PCDHGB2: variants seen among roughly 807,000 people sequenced by gnomAD.
PCDHGB2 encodes protocadherin gamma subfamily B, 2.
Under a neutral mutation model 59.3 loss-of-function variants are expected in PCDHGB2, and 55 were observed. The ratio of observed to expected loss-of-function variants is 0.93; its 90% CI spans 0.75 to 1.16. PCDHGB2 has a LOEUF of 1.16. PCDHGB2 is among the 50% of genes most tolerant of loss of function. The pLI, the probability that PCDHGB2 is intolerant of heterozygous loss-of-function variation, is 0.00. For synonymous variants in PCDHGB2, 516 were observed against 512.0 expected (o/e 1.01, Z -0.11); for missense variants, 1,228 against 1,198.5 (o/e 1.02, Z -0.36).
At chr5:141,427,897 C>T (rs866283444) in intron 1 of PCDHGB2, 1 of 1,571,008 alleles carries the variant, frequency 6.4e-7, no homozygotes. Context: ...CAGGGCTCGC[C>T]CGCGCTCAGC....
chr5:141,481,053 A>T (rs2099530801), intron 1 of PCDHGB2, among the ~76,000 whole-genome samples: 1 of 152,104 alleles, frequency 6.6e-6, no homozygotes, highest in Non-Finnish European at 1.5e-5. Flanking sequence ...GCGAGACTCC[A>T]CCTCAAAAAC....
chr5:141,362,748 A>C lies in PCDHGB2; in HGVS notation c.2421+192A>C, dbSNP rs146059189. 1,393 of 693,104 alleles carry C rather than the reference A, an allele frequency of 2.0e-3. 24 individuals carry two copies. In the East Asian group the frequency reaches 0.035, roughly 17 times the overall value. The allele number at this position is 693,104 out of a possible 1,614,324, so 42.9% of individuals were successfully genotyped here. A position where few individuals can be genotyped will look rare whatever the true frequency, so the allele number is the denominator to read the frequency against. On this transcript the variant is annotated intron_variant, in intron 1 of 3. Coordinates refer to ENST00000522605, the MANE Select transcript of PCDHGB2 (RefSeq NM_018923.3). ...GTGAGATTTATTTACCCATGATTGC[A>C]AACCTTTATCACATGAGATATTGCA...
At chr5:141,393,876 C>A in intron 1 of PCDHGB2, 1 of 1,613,862 alleles carries the variant, frequency 6.2e-7, no homozygotes, top group Non-Finnish European at 8.5e-7. Context: ...TTTGTTTAGC[C>A]CAGTGTTAGA....
chr5:141,400,593 T>C (rs768255831), intron 1 of PCDHGB2: 1 of 1,602,992 alleles, frequency 6.2e-7, no homozygotes, highest in Admixed American at 1.7e-5. Flanking sequence ...GAAACTATCG[T>C]ACATTTTCAA....
Position 141,491,620 on chromosome 5 carries a change from A to C in PCDHGB2, c.2422-3187A>C. On this transcript the variant is annotated intron_variant, in intron 1 of 3. Coordinates refer to ENST00000522605, the MANE Select transcript of PCDHGB2 (RefSeq NM_018923.3). This position sits in a 1 kb window ranked among gnomAD's most constrained non-coding sequence, Gnocchi z 6.9. ...TGACTTCACTTTTCTAAGACCCCTC[A>C]GCGTTCAGCAGCCCACAGCTCTGGC... is the stretch of plus-strand genomic sequence containing the variant. 6.2e-7 allele frequency: 1 copy of C among 1,613,906 alleles called. No individual in the cohort carries two copies. The highest frequency in any genetic ancestry group is 1.1e-5 in the South Asian group (1 of 91,084).
At chr5:141,410,583 G>A (rs1257322419) in intron 1 of PCDHGB2, 1 of 1,610,052 alleles carries the variant, frequency 6.2e-7, no homozygotes, top group African/African-American at 1.3e-5. Context: ...CCTCATGGTG[G>A]GGAGGATTTG....
chr5:141,478,652 G>A (rs188883724), intron 1 of PCDHGB2: 2 of 1,551,970 alleles, frequency 1.3e-6, no homozygotes, highest in East Asian at 2.4e-5. Flanking sequence ...TGTTTTCCTG[G>A]TGATGCATTC....
chr5:141,499,037 G>A (rs912832519), intron 2 of PCDHGB2, among the ~76,000 whole-genome samples: 1 of 150,904 alleles, frequency 6.6e-6, no homozygotes, highest in South Asian at 2.1e-4. Context: ...AGAAAAGAAA[G>A]AAAAAGGGAG....
At chr5:141,376,524 C>T (rs1772781654) in intron 1 of PCDHGB2, 1 of 1,613,718 alleles carries the variant, frequency 6.2e-7, no homozygotes, top group Admixed American at 1.7e-5. Flanking sequence ...TTCTTTCCGC[C>T]TAAGCGGGAA....
chr5:141,429,910 T>C (rs2097252047), intron 1 of PCDHGB2, among the ~76,000 whole-genome samples: 1 of 152,230 alleles, frequency 6.6e-6, no homozygotes, highest in East Asian at 1.9e-4. Context: ...TTTTGAAATA[T>C]AATGTATTAA....
At chr5:141,408,917 C>T (rs549266523) in intron 1 of PCDHGB2, 2 of 1,613,248 alleles carry the variant, frequency 1.2e-6, no homozygotes, top group Non-Finnish European at 8.5e-7. Context: ...CAATGATAAC[C>T]CCCCGGTTTT....
chr5:141,370,570 G>A (rs1373345113), intron 1 of PCDHGB2: 2 of 1,613,946 alleles, frequency 1.2e-6, no homozygotes, highest in African/African-American at 1.3e-5. Flanking sequence ...TTTGGCGTGG[G>A]GGATTTACCT....
At chr5:141,435,112 T>A (rs906494104) in intron 1 of PCDHGB2, among the ~76,000 whole-genome samples, 1 of 152,102 alleles carries the variant, frequency 6.6e-6, no homozygotes, top group Non-Finnish European at 1.5e-5. Context: ...GGGGGAGAAA[T>A]CTAATTCAAT....
At chr5:141,421,387 G>A in intron 1 of PCDHGB2, 3 of 1,614,054 alleles carry the variant, frequency 1.9e-6, no homozygotes, top group Non-Finnish European at 2.5e-6. Context: ...CAAGGACCTG[G>A]GGCTGGAGCC....
At position 141,361,413 on chromosome 5, in the gene PCDHGB2, CG is replaced by C. The variant is rs1007927822; in HGVS notation, c.1283del (p.Gly428AlafsTer9). The C allele has an allele frequency of 1.9e-6, 3 of 1,613,902 alleles. No individual in the cohort carries two copies. The highest frequency in any genetic ancestry group is 2.2e-5 in the South Asian group (2 of 91,090). ...EYNLTITATD[G>X]GKPPLSSSII... ...ACAATCTCACCATCACAGCCACCGA[CG>C]GGGGCAAGCCGCCCCTCTCCTCCAG... On this transcript the variant is annotated frameshift_variant, in exon 1 of 4. Transcript: ENST00000522605. LOFTEE classifies it high-confidence loss of function.
intron 1 of PCDHGB2, chr5:141,409,119 C>A: frequency 6.2e-7 from 1 of 1,613,928 alleles, no homozygotes; most frequent in Non-Finnish European, 8.5e-7. Flanking sequence ...AATAACCAGT[C>A]ATTTGATTTT....
Position 141,431,698 on chromosome 5 carries a change from A to ATTC in PCDHGB2, c.2422-63107_2422-63105dup. 6.2e-7 allele frequency: 1 copy of ATTC among 1,614,222 alleles called. No homozygotes were observed. Among genetic ancestry groups the ATTC allele is most frequent in the Non-Finnish European group, 8.5e-7 (1 of 1,180,036 alleles). The stretch of plus-strand genomic sequence containing the variant: ...GGGAGTTGGACCACGAGGAGTCAGG[A>ATTC]TTCTACCAGATGGAAGTGCAAGCAA... On this transcript the variant is annotated intron_variant, in intron 1 of 3. Coordinates refer to ENST00000522605, the MANE Select transcript of PCDHGB2 (RefSeq NM_018923.3). This position sits in a 1 kb window ranked among gnomAD's most constrained non-coding sequence, Gnocchi z 4.8.
intron 1 of PCDHGB2, chr5:141,428,388 C>G (rs1299321513): frequency 4.0e-6 from 2 of 506,160 alleles, no homozygotes; most frequent in Non-Finnish European, 7.3e-6. Context: ...GCTCTTCCAG[C>G]CCCTCTGCCT....
rs911465424 is a variant in PCDHGB2 at position 141,449,724 on chromosome 5, AT to A, written c.2422-45076del. ...AAACACATTATTTTTATATGATATG[AT>A]TTTTTTATGACATGATTATTTTTAT... On this transcript the variant is annotated intron_variant, in intron 1 of 3. Coordinates refer to ENST00000522605, the MANE Select transcript of PCDHGB2 (RefSeq NM_018923.3). 1.2e-4 allele frequency among the ~76,000 whole-genome samples: 18 copies of A among 151,282 alleles called. No homozygotes were observed. The South Asian group carries it at 1.9e-3, about 16-fold the overall frequency.
Sources: gnomAD v4.1 joint callset for allele counts (sites outside exome capture counted in the v4.1 genomes callset) on GRCh38, gnomAD v4.1.1 for gene constraint, Gnocchi (gnomAD v3.1) non-coding constraint, MANE v1.5 for transcripts, NCBI Gene and HGNC (gene_info 2026-07-23, HGNC 2026-07-21) for gene names.